PRELID2: variants seen among roughly 807,000 people sequenced by gnomAD.
PRELID2 encodes the protein PRELI domain-containing protein 2.
A neutral mutation model predicts 28.4 loss-of-function variants in PRELID2; 25 were observed. That is an observed-to-expected ratio of 0.88 (90% CI 0.64 to 1.23). PRELID2 has a LOEUF of 1.23. Ranked by LOEUF, PRELID2 falls within the 50% of genes most tolerant of loss-of-function variation. The probability of loss-of-function intolerance (pLI) is 0.00; values close to 1 mark genes in which losing one functional copy is unlikely to be tolerated. For missense variants in PRELID2, 201 were observed against 214.4 expected, an observed-to-expected ratio of 0.94 and a Z score of 0.39; for synonymous variants, 76 against 71.6, an observed-to-expected ratio of 1.06 and a Z score of -0.31.
chr5:145,675,902 A>G (rs1561540721), intron 1 of PRELID2, among the ~76,000 whole-genome samples: 2 of 152,352 alleles, frequency 1.3e-5, no homozygotes, highest in East Asian at 3.9e-4. Flanking sequence ...CACAACAAAT[A>G]TGTGAGTTGA....
chr5:145,250,588 C>G, the PRELID2 span, among the ~76,000 whole-genome samples: 1 of 151,970 alleles, frequency 6.6e-6, no homozygotes, highest in Non-Finnish European at 1.5e-5. Context: ...CTGAGGGTAC[C>G]AAGAGACTTA....
At chr5:145,631,142 C>T (rs1238046005) in intron 1 of PRELID2, among the ~76,000 whole-genome samples, 1 of 152,118 alleles carries the variant, frequency 6.6e-6, no homozygotes, top group Non-Finnish European at 1.5e-5. Context: ...CAGTATGCAC[C>T]CAGCCCCCAT....
chr5:145,581,544 T>C (rs1339872661), intron 1 of PRELID2, among the ~76,000 whole-genome samples: 1 of 152,114 alleles, frequency 6.6e-6, no homozygotes, highest in Admixed American at 6.6e-5. Flanking sequence ...ACTTGGTGCC[T>C]GCCAGGTCAT....
the PRELID2 span, among the ~76,000 whole-genome samples, chr5:145,304,765 C>T: frequency 1.3e-5 from 2 of 151,940 alleles, no homozygotes; most frequent in South Asian, 4.2e-4. Flanking sequence ...CATTTGGTCA[C>T]CCTCCCACTT....
intron 1 of PRELID2, among the ~76,000 whole-genome samples, chr5:145,504,409 G>A (rs1167230087): frequency 6.6e-6 from 1 of 152,158 alleles, no homozygotes; most frequent in Non-Finnish European, 1.5e-5. Flanking sequence ...AAAGCACATA[G>A]TATTTTCATT....
intron 1 of PRELID2, among the ~76,000 whole-genome samples, chr5:145,727,597 T>G (rs1234167227): frequency 6.6e-6 from 1 of 152,210 alleles, no homozygotes; most frequent in Non-Finnish European, 1.5e-5. Context: ...AGGTGGCTTC[T>G]GCATCTGTAA....
At chr5:145,275,036 GT>G in the PRELID2 span, among the ~76,000 whole-genome samples, 2 of 152,102 alleles carry the variant, frequency 1.3e-5, no homozygotes, top group East Asian at 3.9e-4. Context: ...AAGGACACAA[GT>G]GATATTGGAT....
the PRELID2 span, among the ~76,000 whole-genome samples, chr5:145,419,049 G>A: frequency 6.6e-6 from 1 of 150,834 alleles, no homozygotes; most frequent in East Asian, 2.0e-4. Context: ...TCCCTACAAA[G>A]GACATGAACT....
At chr5:145,339,006 G>GGGTTTTATATATAAAAA in the PRELID2 span, among the ~76,000 whole-genome samples, 1 of 152,088 alleles carries the variant, frequency 6.6e-6, no homozygotes, top group South Asian at 2.1e-4. Context: ...TATTAAAATA[G>GGGTTTTATATATAAAAA]CCCAATTTTT....
the PRELID2 span, among the ~76,000 whole-genome samples, chr5:145,421,729 T>A: frequency 5.5e-5 from 8 of 144,772 alleles, no homozygotes; most frequent in Non-Finnish European, 9.2e-5. Flanking sequence ...TGTCTCTATT[T>A]CCTTCAGTTC....
chr5:145,561,281 G>T (rs1316093009), intron 1 of PRELID2, among the ~76,000 whole-genome samples: 2 of 152,202 alleles, frequency 1.3e-5, no homozygotes, highest in East Asian at 1.9e-4. Flanking sequence ...CGAAAGTTGG[G>T]CCCTTGACCA....
chr5:145,280,552 A>C, the PRELID2 span, among the ~76,000 whole-genome samples: 1 of 152,108 alleles, frequency 6.6e-6, no homozygotes, highest in African/African-American at 2.4e-5. Context: ...CCTAATGCTA[A>C]AGGACGAGTT....
At chr5:145,514,563 T>C (rs1054190287) in intron 1 of PRELID2, among the ~76,000 whole-genome samples, 5 of 152,016 alleles carry the variant, frequency 3.3e-5, no homozygotes, top group African/African-American at 1.2e-4. Context: ...ACTTTAACAC[T>C]CCACTGTCAA....
At chr5:145,781,280 C>T (rs992476602) in intron 5 of PRELID2, among the ~76,000 whole-genome samples, 2 of 152,164 alleles carry the variant, frequency 1.3e-5, no homozygotes, top group Admixed American at 1.3e-4. Context: ...GGCTGAAGGA[C>T]ACAGCTGTTG....
the PRELID2 span, among the ~76,000 whole-genome samples, chr5:145,435,199 A>G: frequency 6.6e-6 from 1 of 152,220 alleles, no homozygotes; most frequent in East Asian, 1.9e-4. Context: ...GACATTTTAG[A>G]GAGTGACAAA....
intron 1 of PRELID2, among the ~76,000 whole-genome samples, chr5:145,582,851 G>C (rs1753120398): frequency 6.6e-6 from 1 of 152,010 alleles, no homozygotes; most frequent in Non-Finnish European, 1.5e-5. Flanking sequence ...ATTTATAGCT[G>C]AATTCTACCA....
the PRELID2 span, among the ~76,000 whole-genome samples, chr5:145,405,543 T>C: frequency 1.3e-5 from 2 of 152,042 alleles, no homozygotes; most frequent in Non-Finnish European, 2.9e-5. Context: ...GTTCCCTTCA[T>C]GTGGGTGCAA....
At chr5:145,424,141 C>T in the PRELID2 span, among the ~76,000 whole-genome samples, 1 of 151,344 alleles carries the variant, frequency 6.6e-6, no homozygotes, top group Admixed American at 6.6e-5. Context: ...CTCTTCAAAG[C>T]TGTCAGACAG....
chr5:145,433,756 T>C, the PRELID2 span, among the ~76,000 whole-genome samples: 3 of 152,118 alleles, frequency 2.0e-5, no homozygotes, highest in Non-Finnish European at 2.9e-5. Flanking sequence ...TGCCAAGCTT[T>C]TGGACTCTGA....
Sources: allele counts gnomAD v4.1 joint callset (sites outside exome capture counted in the v4.1 genomes callset), GRCh38; gene constraint gnomAD v4.1.1; transcripts MANE v1.5; gene names NCBI Gene and HGNC (gene_info 2026-07-23, HGNC 2026-07-21).